MGAT5: variants seen among roughly 807,000 people sequenced by gnomAD.
The protein encoded by MGAT5 is alpha-1,6-mannosylglycoprotein 6-beta-N-acetylglucosaminyltransferase.
A neutral mutation model predicts 94.3 loss-of-function variants in MGAT5; 30 were observed. The observed-to-expected ratio is 0.32, with a 90% CI of 0.24 to 0.43. MGAT5 has a LOEUF of 0.43. MGAT5 is among the 20% of genes least tolerant of loss of function. MGAT5 has a pLI of 1.00. For missense variants in MGAT5, 691 were observed against 905.5 expected, an observed-to-expected ratio of 0.76 and a Z score of 3.04; for synonymous variants, 310 against 322.9, an observed-to-expected ratio of 0.96 and a Z score of 0.43.
At chr2:134,427,743 C>T (rs970143440) in intron 13 of MGAT5, among the ~76,000 whole-genome samples, 1 of 152,202 alleles carries the variant, frequency 6.6e-6, no homozygotes, top group Non-Finnish European at 1.5e-5. Flanking sequence ...CTTTGACCCT[C>T]TAGCCTCCCA....
intron 2 of MGAT5, among the ~76,000 whole-genome samples, chr2:134,290,860 A>C (rs1685304830): frequency 6.6e-6 from 1 of 152,230 alleles, no homozygotes; most frequent in African/African-American, 2.4e-5. Context: ...TGAGCCATGC[A>C]GAGGGAATCC....
intron 2 of MGAT5, among the ~76,000 whole-genome samples, chr2:134,274,861 C>G (rs13427369): frequency 8.5e-5 from 13 of 152,196 alleles, no homozygotes; most frequent in African/African-American, 3.1e-4. Context: ...GCAACACTTT[C>G]TAGTATTTGG....
chr2:134,215,684 T>G (rs1188917567), intron 1 of MGAT5, among the ~76,000 whole-genome samples: 1 of 152,208 alleles, frequency 6.6e-6, no homozygotes, highest in Non-Finnish European at 1.5e-5. Context: ...TCCTTGTAAG[T>G]TTCAGCCAGT....
intron 12 of MGAT5, among the ~76,000 whole-genome samples, chr2:134,421,117 G>A (rs911426115): frequency 3.3e-5 from 5 of 152,172 alleles, no homozygotes; most frequent in Admixed American, 3.3e-4. Context: ...ACTAATGTGG[G>A]TATGTTTTAC....
intron 14 of MGAT5, among the ~76,000 whole-genome samples, chr2:134,436,162 G>A (rs1464735254): frequency 6.6e-6 from 1 of 152,220 alleles, no homozygotes; most frequent in Non-Finnish European, 1.5e-5. Context: ...GGGAAGGACA[G>A]ATGGCATCAT....
chr2:134,305,582 A>G (rs1057230270), intron 2 of MGAT5, among the ~76,000 whole-genome samples: 1 of 152,346 alleles, frequency 6.6e-6, no homozygotes, highest in East Asian at 1.9e-4. Flanking sequence ...CATTTTTAAC[A>G]AAATCCAAAC....
At chr2:134,342,791 C>T (rs1260429323) in intron 7 of MGAT5, among the ~76,000 whole-genome samples, 1 of 151,528 alleles carries the variant, frequency 6.6e-6, no homozygotes, top group Non-Finnish European at 1.5e-5. Flanking sequence ...AGTCACTCAT[C>T]TGGTGTCTTC....
intron 1 of MGAT5, among the ~76,000 whole-genome samples, chr2:134,141,725 T>C (rs1028488803): frequency 6.6e-6 from 1 of 152,070 alleles, no homozygotes; most frequent in Non-Finnish European, 1.5e-5. Context: ...TTTGGAAGAA[T>C]GGGATGGGAA....
intron 2 of MGAT5, among the ~76,000 whole-genome samples, chr2:134,301,317 A>C (rs949590058): frequency 6.6e-5 from 10 of 152,186 alleles, no homozygotes; most frequent in African/African-American, 2.2e-4. Flanking sequence ...AGCTGTTATG[A>C]ATAATGCTGC....
chr2:134,224,559 T>C (rs937282605), intron 1 of MGAT5, among the ~76,000 whole-genome samples: 1 of 152,090 alleles, frequency 6.6e-6, no homozygotes, highest in African/African-American at 2.4e-5. Context: ...GAAATGATAA[T>C]GAGTGATCTG....
At chr2:134,154,928 G>T (rs757888602) in intron 1 of MGAT5, among the ~76,000 whole-genome samples, 29 of 152,112 alleles carry the variant, frequency 1.9e-4, no homozygotes, top group Non-Finnish European at 3.8e-4. Context: ...CTTTCCTGGA[G>T]GATAATGACA....
intron 1 of MGAT5, among the ~76,000 whole-genome samples, chr2:134,178,343 A>T (rs1460102641): frequency 6.6e-6 from 1 of 152,154 alleles, no homozygotes; most frequent in Non-Finnish European, 1.5e-5. Flanking sequence ...GAGATTTGTA[A>T]CCTCAGGAAG....
chr2:134,152,444 A>G (rs1263155821), intron 1 of MGAT5, among the ~76,000 whole-genome samples: 4 of 126,620 alleles, frequency 3.2e-5, no homozygotes, highest in African/African-American at 6.1e-5. Context: ...CTCACGCCCT[A>G]TGGGACCCGT....
At chr2:134,225,115 C>T (rs900191615) in intron 1 of MGAT5, among the ~76,000 whole-genome samples, 3 of 144,042 alleles carry the variant, frequency 2.1e-5, no homozygotes, top group African/African-American at 7.7e-5. Context: ...CGGTGGAAAT[C>T]GGGGGGGAAT....
chr2:134,284,453 A>G (rs1050855343), intron 2 of MGAT5, among the ~76,000 whole-genome samples: 1 of 152,184 alleles, frequency 6.6e-6, no homozygotes, highest in Admixed American at 6.5e-5. Flanking sequence ...AATATTTCCT[A>G]TCTGGCTTTT....
chr2:134,172,134 A>C (rs559012527), intron 1 of MGAT5, among the ~76,000 whole-genome samples: 2 of 152,280 alleles, frequency 1.3e-5, no homozygotes, highest in Admixed American at 1.3e-4. Flanking sequence ...ATTGAGCTTG[A>C]CCATGGCCAC....
chr2:134,260,311 C>T (rs1008117317), intron 1 of MGAT5, among the ~76,000 whole-genome samples: 6 of 152,204 alleles, frequency 3.9e-5, no homozygotes, highest in African/African-American at 1.4e-4. Context: ...GCACACACGC[C>T]GGTTGGAGAA....
At chr2:134,331,013 T>G (rs1687938699) in intron 4 of MGAT5, among the ~76,000 whole-genome samples, 1 of 152,164 alleles carries the variant, frequency 6.6e-6, no homozygotes, top group African/African-American at 2.4e-5. Flanking sequence ...TTTCTTTCCA[T>G]CTTTAAACTC....
chr2:134,355,765 A>G (rs894459314), intron 9 of MGAT5, among the ~76,000 whole-genome samples: 5 of 152,332 alleles, frequency 3.3e-5, no homozygotes, highest in African/African-American at 1.2e-4. Flanking sequence ...CCACATTTAC[A>G]ACTTCGTCTG....
Sources: allele counts gnomAD v4.1 joint callset (sites outside exome capture counted in the v4.1 genomes callset), GRCh38; gene constraint gnomAD v4.1.1; transcripts MANE v1.5; gene names NCBI Gene and HGNC (gene_info 2026-07-23, HGNC 2026-07-21).